TENM1: variants seen among roughly 807,000 people sequenced by gnomAD.
TENM1 encodes teneurin transmembrane protein 1.
Under a neutral mutation model 174.8 loss-of-function variants are expected in TENM1, and 35 were observed. The ratio of observed to expected loss-of-function variants is 0.20; its 90% confidence interval spans 0.15 to 0.27. The LOEUF (loss-of-function observed/expected upper bound fraction) is 0.27, where lower values mean the gene tolerates loss of function less well. TENM1 is among the 10% of genes least tolerant of loss of function. TENM1 has a pLI of 1.00. For missense variants in TENM1, 1,633 were observed against 2,130.1 expected, an observed-to-expected ratio of 0.77 and a Z score of 4.59; for synonymous variants, 781 against 798.7, an observed-to-expected ratio of 0.98 and a Z score of 0.37.
the TENM1 span, among the ~76,000 whole-genome samples, chrX:125,198,956 T>C: frequency 9.0e-6 from 1 of 111,462 alleles, no homozygotes; most frequent in Non-Finnish European, 1.9e-5. Context: ...TCAGTGTGTT[T>C]CTGTTTCTGT....
chrX:124,716,471 A>G (rs758609066), intron 4 of TENM1, among the ~76,000 whole-genome samples: 1 of 112,442 alleles, frequency 8.9e-6, no homozygotes, highest in African/African-American at 3.2e-5. Context: ...CTGGCTAGAA[A>G]AAAGCAGACC....
intron 3 of TENM1, among the ~76,000 whole-genome samples, chrX:124,756,541 G>C (rs1369386829): frequency 2.7e-5 from 3 of 111,641 alleles, no homozygotes; most frequent in African/African-American, 9.8e-5. Flanking sequence ...GAGGAACTGC[G>C]TTCCTTTGGA....
chrX:124,778,743 C>A (rs1029019255), intron 3 of TENM1, among the ~76,000 whole-genome samples: 2 of 111,755 alleles, frequency 1.8e-5, no homozygotes, highest in African/African-American at 3.3e-5. Context: ...TAGATAGCAC[C>A]TAATCTGCCT....
At chrX:125,197,989 T>C in the TENM1 span, among the ~76,000 whole-genome samples, 4 of 112,016 alleles carry the variant, frequency 3.6e-5, no homozygotes, top group Non-Finnish European at 5.7e-5. Flanking sequence ...AGACTTGACA[T>C]GGATTGCAAT....
chrX:125,057,737 T>C, the TENM1 span, among the ~76,000 whole-genome samples: 2 of 111,612 alleles, frequency 1.8e-5, no homozygotes, highest in African/African-American at 3.2e-5. Context: ...ATCTGTTCAA[T>C]GTTATCATGT....
At chrX:124,385,972 C>T (rs763046773) in exon 29 of TENM1, 10 of 1,210,024 alleles carry the variant, frequency 8.3e-6, no homozygotes, top group Non-Finnish European at 1.1e-5. Flanking sequence ...AGCTGTGACG[C>T]ACCATGCTAG....
intron 23 of TENM1, among the ~76,000 whole-genome samples, chrX:124,427,797 T>G (rs113131681): frequency 0.01 from 1,142 of 111,502 alleles, 14 homozygotes; most frequent in African/African-American, 0.035. Flanking sequence ...AGGAATGGAG[T>G]CTTTGAGCTG....
chrX:124,520,794 A>T lies in TENM1; in HGVS notation c.3034-10T>A, dbSNP rs768403067. The T allele has an allele frequency of 2.5e-5, 16 of 641,785 alleles. No homozygotes were observed. The African/African-American group carries it at 4.8e-4, about 19-fold the overall frequency. The allele number at this position is 641,785 out of a possible 1,213,427, so 52.9% of individuals were successfully genotyped here. On this transcript the variant is annotated splice_polypyrimidine_tract_variant and intron_variant, in intron 17 of 31. Transcript: ENST00000422452. ...TTTCCTCCTGTACAACCTGAAATAA[A>T]AAAAAAAAAAAAAAGCCAAATAGGC...
intron 3 of TENM1, among the ~76,000 whole-genome samples, chrX:124,846,072 A>G (rs776297040): frequency 2.7e-5 from 3 of 109,908 alleles, no homozygotes; most frequent in African/African-American, 6.6e-5. Flanking sequence ...AGTTGGAAGG[A>G]GGTTAGGAAG....
At chrX:124,862,399 C>CT (rs1319927197) in intron 3 of TENM1, among the ~76,000 whole-genome samples, 3 of 111,824 alleles carry the variant, frequency 2.7e-5, no homozygotes, top group Non-Finnish European at 5.6e-5. Context: ...CAATACCCCC[C>CT]TCCCCCCATT....
chrX:124,485,607 C>G (rs986003006), intron 21 of TENM1, among the ~76,000 whole-genome samples: 1 of 111,035 alleles, frequency 9.0e-6, no homozygotes, highest in Non-Finnish European at 1.9e-5. Flanking sequence ...GCCATTTTTC[C>G]AAGAGAAATG....
intron 10 of TENM1, among the ~76,000 whole-genome samples, 166 bp downstream of exon 13, chrX:124,644,977 A>ACAT (rs1202323603): frequency 1.8e-5 from 2 of 111,586 alleles, no homozygotes; most frequent in Non-Finnish European, 3.8e-5. Flanking sequence ...ATCTGTCAGA[A>ACAT]GAGACAAGAG....
upstream of TENM1, among the ~76,000 whole-genome samples, chrX:124,967,366 C>T (rs766614623): frequency 4.5e-5 from 5 of 111,395 alleles, no homozygotes; most frequent in Admixed American, 9.5e-5. Context: ...GAAAAGGAAG[C>T]ATCTATAAAA....
chrX:124,930,423 T>C (rs2058153752), intron 1 of TENM1, among the ~76,000 whole-genome samples: 1 of 111,881 alleles, frequency 8.9e-6, no homozygotes, highest in African/African-American at 3.3e-5. Context: ...CTCACACCAT[T>C]CACTCCTCTG....
chrX:125,198,843 T>A, the TENM1 span, among the ~76,000 whole-genome samples: 1 of 109,755 alleles, frequency 9.1e-6, no homozygotes, highest in African/African-American at 3.3e-5. Context: ...TCAATTTCTT[T>A]AAGCTGATGA....
chrX:124,527,650 CTTTT>C (rs996971096), intron 16 of TENM1, among the ~76,000 whole-genome samples: 2 of 92,873 alleles, frequency 2.2e-5, no homozygotes, highest in Non-Finnish European at 2.2e-5. Context: ...TTTCTTTTTT[CTTTT>C]TTTTTTTTTT....
chrX:125,005,189 TACACACACACACAC>T, the TENM1 span, among the ~76,000 whole-genome samples: 2,081 of 88,753 alleles, frequency 0.023, 37 homozygotes, highest in African/African-American at 0.063. Flanking sequence ...GATGTATACA[TACACACACACACAC>T]ACACACACAC....
At chrX:124,378,358 A>C (rs1359351141) in exon 32 of TENM1, 1 of 112,598 alleles carries the variant, frequency 8.9e-6, no homozygotes, top group Non-Finnish European at 1.9e-5. Context: ...CACATTTATG[A>C]ATGCACTCTC....
chrX:124,719,652 A>G (rs1321596620), intron 4 of TENM1, among the ~76,000 whole-genome samples: 1 of 111,219 alleles, frequency 9.0e-6, no homozygotes, highest in African/African-American at 3.3e-5. Context: ...TGTGGATTTG[A>G]GAGTGCAAAG....
Sources: allele counts gnomAD v4.1 joint callset (sites outside exome capture counted in the v4.1 genomes callset), GRCh38; gene constraint gnomAD v4.1.1; transcripts MANE v1.5; gene names NCBI Gene and HGNC (gene_info 2026-07-23, HGNC 2026-07-21).